The following SEPTIN3 variants were observed in gnomAD, a reference collection of about 807,000 sequenced individuals.
The protein encoded by SEPTIN3 is septin 3.
A neutral mutation model predicts 45.1 loss-of-function variants in SEPTIN3; 15 were observed. That is an observed-to-expected ratio of 0.33 (90% CI 0.22 to 0.51). SEPTIN3 has a LOEUF of 0.51. Ranked by LOEUF, SEPTIN3 falls within the 20% of genes least tolerant of loss-of-function variation. SEPTIN3 has a pLI of 0.97. For missense variants in SEPTIN3, 289 were observed against 457.2 expected (o/e 0.63, Z 3.35); for synonymous variants, 148 against 164.8 (o/e 0.90, Z 0.78).
At position 41,987,188 on chromosome 22, in the gene SEPTIN3, T is replaced by C. The variant is rs1457732078; in HGVS notation, c.1826-18T>C. The C allele has an allele frequency of 6.2e-7, 1 of 1,608,634 alleles. No individual in the cohort carries two copies. Among genetic ancestry groups the C allele is most frequent in the Admixed American group, 1.7e-5 (1 of 59,508 alleles). ...CTGTAGGACTGACCTCTCTGGTACA[T>C]TTTCTTTTCACCCCCAGTGATAGAG... is the stretch of plus-strand genomic sequence containing the variant. On this transcript the variant is annotated intron_variant, in intron 4 of 11. Coordinates refer to ENST00000644076, the MANE Select transcript of SEPTIN3 (RefSeq NM_001363845.2).
chr22:41,993,235 A>C (rs755120911), intron 9 of SEPTIN3, among the ~76,000 whole-genome samples: 1 of 152,208 alleles, frequency 6.6e-6, no homozygotes, highest in Non-Finnish European at 1.5e-5. Flanking sequence ...TCCTGTTCTC[A>C]GAGTATAAGC....
intron 3 of SEPTIN3, among the ~76,000 whole-genome samples, chr22:41,984,854 T>C (rs979080273): frequency 8.9e-5 from 6 of 67,770 alleles, no homozygotes; most frequent in Admixed American, 8.6e-4. Context: ...CCTTTTTTTT[T>C]TTTTTTTTTT....
chr22:41,979,224 A>G (rs763260), intron 2 of SEPTIN3, among the ~76,000 whole-genome samples: 115,626 of 152,038 alleles, frequency 0.76, 44,219 homozygotes, highest in East Asian at 0.9. Context: ...CCCTCTCTCC[A>G]TCAGGGTCTA....
chr22:41,982,131 G>C, intron 3 of SEPTIN3: 1 of 396,876 alleles, frequency 2.5e-6, no homozygotes, highest in Non-Finnish European at 4.6e-6. Flanking sequence ...GAGAGAATCA[G>C]CAATGTTCTT....
At chr22:41,995,040 C>T (rs530952663) in intron 11 of SEPTIN3, 1 of 1,184,246 alleles carries the variant, frequency 8.4e-7, no homozygotes, top group East Asian at 5.0e-5. Flanking sequence ...TTATCTGTCT[C>T]CTTTCCTTGT....
chr22:41,977,047 G>C, intron 2 of SEPTIN3: 2 of 1,600,092 alleles, frequency 1.2e-6, no homozygotes, highest in Non-Finnish European at 8.5e-7. Flanking sequence ...CTGGAGGAAC[G>C]GAGACAAAGG....
chr22:41,990,096 AGTGGCGT>A (rs1322125923), intron 7 of SEPTIN3, among the ~76,000 whole-genome samples: 1 of 150,112 alleles, frequency 6.7e-6, no homozygotes, highest in Non-Finnish European at 1.5e-5. Flanking sequence ...GCTGGAGTGC[AGTGGCGT>A]GATCTCGGCT....
intron 2 of SEPTIN3, among the ~76,000 whole-genome samples, chr22:41,977,706 G>T (rs1486457180): frequency 1.3e-5 from 2 of 151,958 alleles, no homozygotes; most frequent in African/African-American, 2.4e-5. Context: ...GAAGGAAGAG[G>T]GGGGGCCTGC....
At chr22:41,979,556 T>A (rs1205867615) in intron 2 of SEPTIN3, among the ~76,000 whole-genome samples, 2 of 152,170 alleles carry the variant, frequency 1.3e-5, no homozygotes, top group Non-Finnish European at 2.9e-5. Context: ...GTGAGCCACG[T>A]GCAAGAGTGG....
At chr22:41,985,960 C>T (rs2078199362) in intron 3 of SEPTIN3, 24 bp from the exon 4 acceptor site, 2 of 1,584,438 alleles carry the variant, frequency 1.3e-6, no homozygotes, top group Admixed American at 3.6e-5. Flanking sequence ...AGTCTCCCTA[C>T]CTCCTCCTCC....
intron 2 of SEPTIN3, among the ~76,000 whole-genome samples, chr22:41,981,042 C>T (rs547642045): frequency 3.9e-5 from 6 of 152,242 alleles, no homozygotes; most frequent in East Asian, 1.9e-4. Flanking sequence ...ATGAAGCAGC[C>T]GAGGTCAGTG....
chr22:41,974,288 C>T (rs1243416515), intron 2 of SEPTIN3, among the ~76,000 whole-genome samples: 1 of 151,872 alleles, frequency 6.6e-6, no homozygotes, highest in Non-Finnish European at 1.5e-5. Flanking sequence ...GGTGTGTCCA[C>T]CTTTAAAAGC....
chr22:41,988,119 G>A (rs1019438508), intron 6 of SEPTIN3, among the ~76,000 whole-genome samples: 2 of 151,952 alleles, frequency 1.3e-5, no homozygotes, highest in African/African-American at 2.4e-5. Context: ...AATTGGAGTC[G>A]GAGGGAGCAG....
rs141872273 is a variant in SEPTIN3 at position 41,996,700 on chromosome 22, A to G, written c.2506-202A>G. On this transcript the variant is annotated intron_variant, in intron 11 of 11. Coordinates refer to ENST00000644076, the MANE Select transcript of SEPTIN3 (RefSeq NM_001363845.2). ...TTCAACAGAACAGGGATCCTTGGCT[A>G]CTGTAGAAGCAGTCCTGTATGGAGA... 3.7e-4 allele frequency: 534 copies of G among 1,440,788 alleles called. 6 individuals carry two copies. The East Asian group carries it at 7.0e-3, about 19-fold the overall frequency. 89.3% of individuals were successfully genotyped at this position (1,440,788 alleles called of 1,614,324 possible). A position where few individuals can be genotyped will look rare whatever the true frequency, so the allele number is the denominator to read the frequency against.
Position 41,997,556 on chromosome 22 carries a change from C to T in SEPTIN3, c.*589C>T, listed in dbSNP as rs1920997838. 6.6e-6 allele frequency: 1 copy of T among 152,334 alleles called. No individual in the cohort carries two copies. The highest frequency in any genetic ancestry group is 2.4e-5 in the African/African-American group (1 of 41,406). The allele number at this position is 152,334 out of a possible 1,614,324, so 9.4% of individuals were successfully genotyped here. A position where few individuals can be genotyped will look rare whatever the true frequency, so the allele number is the denominator to read the frequency against. ...GTCCCAGAGTGCGGTTGTACATCCT[C>T]CCCACCTCATAACGCAGCCACTGAG... On this transcript the variant is annotated 3_prime_UTR_variant, in exon 12 of 12. Coordinates refer to ENST00000644076, the MANE Select transcript of SEPTIN3 (RefSeq NM_001363845.2).
chr22:41,989,720 T>A lies in SEPTIN3; in HGVS notation c.2163+36T>A, dbSNP rs771592061. ...CCCCTGTCTTCTTTTCCTGTTCCCA[T>A]CCCCTCCTTTCTCTCCGCTGGGTTC... is the stretch of plus-strand genomic sequence containing the variant. On this transcript the variant is annotated intron_variant, in intron 7 of 11. Coordinates refer to ENST00000644076, the MANE Select transcript of SEPTIN3 (RefSeq NM_001363845.2). 58 of 1,346,750 alleles carry A rather than the reference T, an allele frequency of 4.3e-5. No homozygotes were observed. The South Asian group carries it at 6.5e-4, about 15-fold the overall frequency. The allele number at this position is 1,346,750 out of a possible 1,614,324, so 83.4% of individuals were successfully genotyped here.
chr22:41,990,541 C>A (rs549678634), intron 7 of SEPTIN3, among the ~76,000 whole-genome samples: 1 of 139,682 alleles, frequency 7.2e-6, no homozygotes, highest in South Asian at 2.3e-4. Context: ...GTCAGGAGAT[C>A]AAGACCATCC....
chr22:41,987,736 C>T lies in SEPTIN3; in HGVS notation c.2022C>T (p.Tyr674=). The stretch of plus-strand genomic sequence containing the variant: ...ACACTCGTGTCCACTGCTGCCTTTA[C>T]TTCATCTCTCCCACAGGACACTCGT... ...IPDTRVHCCL[Y]FISPTGHSLR... The change falls in exon 6 of 12, where the codon TAC becomes TAT. Residue 674 remains tyrosine (Y), a synonymous_variant. Coordinates refer to ENST00000644076, the MANE Select transcript of SEPTIN3 (RefSeq NM_001363845.2). 9 of 1,613,922 alleles carry T rather than the reference C, an allele frequency of 5.6e-6. No individual in the cohort carries two copies. The highest frequency in any genetic ancestry group is 7.6e-6 in the Non-Finnish European group (9 of 1,179,838).
intron 2 of SEPTIN3, among the ~76,000 whole-genome samples, chr22:41,975,758 A>C (rs1233243094): frequency 6.6e-6 from 1 of 151,864 alleles, no homozygotes; most frequent in Admixed American, 6.6e-5. Context: ...TCAGTACTCA[A>C]CTATCTGGCT....
Sources: allele counts gnomAD v4.1 joint callset (sites outside exome capture counted in the v4.1 genomes callset), GRCh38; gene constraint gnomAD v4.1.1; transcripts MANE v1.5; gene names NCBI Gene and HGNC (gene_info 2026-07-23, HGNC 2026-07-21).